The following CRACD variants were observed in gnomAD, a reference collection of about 807,000 sequenced individuals.
The protein encoded by CRACD is capping protein-inhibiting regulator of actin dynamics.
Under a neutral mutation model 106.8 loss-of-function variants are expected in CRACD, and 56 were observed. That is an observed-to-expected ratio of 0.52 (90% CI 0.42 to 0.66). The LOEUF (loss-of-function observed/expected upper bound fraction) is 0.66. Among genes scored for constraint, CRACD ranks in the 30% least tolerant of loss-of-function variants. The pLI is 0.00. For missense variants in CRACD, 1,730 were observed against 1,623.2 expected (o/e 1.07, Z -1.13); for synonymous variants, 754 against 670.8 (o/e 1.12, Z -1.92).
intron 5 of CRACD, among the ~76,000 whole-genome samples, chr4:56,308,270 G>C (rs957077397): frequency 6.6e-6 from 1 of 152,092 alleles, no homozygotes; most frequent in Admixed American, 6.5e-5. Context: ...AACTTGAAGA[G>C]TACCTAGTCT....
chr4:56,057,667 C>A (rs1257034508), intron 1 of CRACD, among the ~76,000 whole-genome samples: 3 of 129,936 alleles, frequency 2.3e-5, no homozygotes, highest in African/African-American at 9.2e-5. Context: ...CTCTGTCATT[C>A]AGGCTAGAGT....
chr4:56,112,036 T>C lies in CRACD; in HGVS notation c.-336+62737T>C, dbSNP rs1221269549. Among the ~76,000 whole-genome samples the C allele has an allele frequency of 4.6e-5, 7 of 152,294 alleles. No individual in the cohort carries two copies. In the East Asian group the frequency reaches 5.8e-4, roughly 13 times the overall value. Reference sequence around the variant, plus strand: ...GATAAAAGACACTTATGAGCTGAAGTAGAAATTGCACCTAAACAATACTGC... The same window carrying C: ...GATAAAAGACACTTATGAGCTGAAGCAGAAATTGCACCTAAACAATACTGC... On this transcript the variant is annotated intron_variant, in intron 1 of 10. Transcript: ENST00000682029.
chr4:56,212,714 A>G (rs1223289910), intron 2 of CRACD, among the ~76,000 whole-genome samples: 1 of 152,238 alleles, frequency 6.6e-6, no homozygotes, highest in African/African-American at 2.4e-5. Context: ...ACACAAAAAA[A>G]GAAACAAAGG....
intron 2 of CRACD, among the ~76,000 whole-genome samples, chr4:56,270,494 G>T (rs954528586): frequency 6.6e-6 from 1 of 152,168 alleles, no homozygotes; most frequent in Admixed American, 6.5e-5. Flanking sequence ...GAGCTCTGGG[G>T]CCTCTGATAG....
At chr4:56,198,641 C>G (rs1737735969) in intron 2 of CRACD, among the ~76,000 whole-genome samples, 1 of 152,096 alleles carries the variant, frequency 6.6e-6, no homozygotes, top group African/African-American at 2.4e-5. Context: ...AGTTATTTCA[C>G]AAGTACCATT....
intron 1 of CRACD, among the ~76,000 whole-genome samples, chr4:56,160,359 A>G (rs768169660): frequency 4.0e-5 from 6 of 151,066 alleles, no homozygotes; most frequent in Non-Finnish European, 8.9e-5. Flanking sequence ...ATTTTTGTAT[A>G]TTTTTGTAGA....
intron 1 of CRACD, among the ~76,000 whole-genome samples, chr4:56,099,872 A>G (rs1018511064): frequency 2.6e-5 from 4 of 152,208 alleles, no homozygotes; most frequent in African/African-American, 9.6e-5. Context: ...TTGGCACCAG[A>G]TGTTGGTCCT....
chr4:56,212,157 A>G (rs979467972), intron 2 of CRACD, among the ~76,000 whole-genome samples: 12 of 152,366 alleles, frequency 7.9e-5, no homozygotes, highest in Middle Eastern at 3.4e-3. Flanking sequence ...ACTTCTGGTC[A>G]TCCTCACTGC....
intron 1 of CRACD, chr4:56,097,573 G>A (rs537616376): frequency 6.6e-6 from 1 of 152,472 alleles, no homozygotes; most frequent in African/African-American, 2.4e-5. Flanking sequence ...GTTTGGCTAG[G>A]TTTAGTGTTT....
chr4:56,203,683 G>C (rs1737991523), intron 2 of CRACD, among the ~76,000 whole-genome samples: 1 of 152,202 alleles, frequency 6.6e-6, no homozygotes, highest in Non-Finnish European at 1.5e-5. Flanking sequence ...AAATGAAAAT[G>C]TGGAGCCATT....
chr4:56,230,766 G>A (rs925013393), intron 2 of CRACD, among the ~76,000 whole-genome samples: 2 of 152,144 alleles, frequency 1.3e-5, no homozygotes, highest in African/African-American at 4.8e-5. Context: ...GTATTTGCAA[G>A]CAAGTGGACT....
In CRACD at chr4:56,314,502, C is replaced by CGGCTGGAGGAGGACGCCA. The variant is rs1188455252; in HGVS notation, c.1012_1029dup (p.Asp338_Glu343dup). On this transcript the variant is annotated inframe_insertion, in exon 8 of 11. Transcript: ENST00000682029. The surrounding 1 kb of genome is among the most constrained non-coding windows in gnomAD (Gnocchi z 4.4). ...CCAGGCCCAAGCGGAGGAGAGGCGGCGGCTGGAGGAGGACGCCAGGCTGGA... is the reference window on the plus strand; with the variant it reads ...CCAGGCCCAAGCGGAGGAGAGGCGGCGGCTGGAGGAGGACGCCAGGCTGGAGGAGGACGCCAGGCTGGA... 4.2e-5 allele frequency: 63 copies of CGGCTGGAGGAGGACGCCA among 1,516,016 alleles called. 1 individual carries two copies. Among genetic ancestry groups the CGGCTGGAGGAGGACGCCA allele is most frequent in the South Asian group, 1.1e-4 (9 of 79,296 alleles). 93.9% of individuals were successfully genotyped at this position (1,516,016 alleles called of 1,614,324 possible).
At chr4:56,194,941 G>A (rs556806274) in intron 2 of CRACD, among the ~76,000 whole-genome samples, 1 of 152,296 alleles carries the variant, frequency 6.6e-6, no homozygotes, top group South Asian at 2.1e-4. Flanking sequence ...TTTATGTGGA[G>A]ACTGTGTTGT....
chr4:56,123,738 A>G lies in CRACD; in HGVS notation c.-335-55546A>G, dbSNP rs188436548. 2.0e-5 allele frequency among the ~76,000 whole-genome samples: 3 copies of G among 151,198 alleles called. No individual in the cohort carries two copies. In the East Asian group the frequency reaches 5.8e-4, roughly 29 times the overall value. On this transcript the variant is annotated intron_variant, in intron 1 of 10. Coordinates refer to ENST00000682029, the MANE Select transcript of CRACD (RefSeq NM_001393381.1). ...CTGGGCATCCATCTTCAGAGACCAC[A>G]GTAGTACCCCCCCTACACTGTCCAT...
At chr4:56,263,576 T>A (rs1033884540) in intron 2 of CRACD, among the ~76,000 whole-genome samples, 1 of 152,146 alleles carries the variant, frequency 6.6e-6, no homozygotes, top group South Asian at 2.1e-4. Flanking sequence ...CCTCCTCTTA[T>A]GAGAGAACCT....
chr4:56,310,635 C>G, intron 5 of CRACD, 31 bp from the exon 6 acceptor site: 1 of 1,533,172 alleles, frequency 6.5e-7, no homozygotes, highest in Non-Finnish European at 9.0e-7. Context: ...CTGTTCAGGC[C>G]TTTGACTTGA....
At chr4:56,317,949 T>C (rs1192891873) in intron 8 of CRACD, among the ~76,000 whole-genome samples, 3 of 152,102 alleles carry the variant, frequency 2.0e-5, no homozygotes, top group Non-Finnish European at 2.9e-5. Flanking sequence ...ATGCAGAGTA[T>C]AGGAGGTAAA....
At chr4:56,325,129 G>C (rs1746348130) in intron 10 of CRACD, among the ~76,000 whole-genome samples, 1 of 152,030 alleles carries the variant, frequency 6.6e-6, no homozygotes, top group South Asian at 2.1e-4. Flanking sequence ...GAGCCCAGGA[G>C]TTCGATATTA....
Position 56,307,633 on chromosome 4 carries a change from G to A in CRACD, c.219G>A (p.Leu73=), listed in dbSNP as rs370399208. ...NSGEASLEED[L]FLTSPMEIVT... ...GAGAGGCTAGCTTAGAAGAGGATCT[G>A]TTCCTGACCAGTCCCATGGAAATTG... Residue 73 remains leucine, a synonymous_variant, in exon 5 of 11, where the codon CTG becomes CTA. Coordinates refer to ENST00000682029, the MANE Select transcript of CRACD (RefSeq NM_001393381.1). 8 of 1,614,174 alleles carry A rather than the reference G, an allele frequency of 5.0e-6. No individual in the cohort carries two copies. Among genetic ancestry groups the A allele is most frequent in the Middle Eastern group, 1.7e-4 (1 of 6,022 alleles).
Sources: allele counts gnomAD v4.1 joint callset (sites outside exome capture counted in the v4.1 genomes callset), GRCh38; gene constraint gnomAD v4.1.1; non-coding constraint Gnocchi (gnomAD v3.1); transcripts MANE v1.5; gene names NCBI Gene and HGNC (gene_info 2026-07-23, HGNC 2026-07-21).